The following GABPB1 variants were observed in gnomAD, a reference collection of about 807,000 sequenced individuals.
GABPB1 encodes GA-binding protein subunit beta-1.
In GABPB1, 15 loss-of-function variants were observed where a neutral mutation model predicts 45.9. That is an observed-to-expected ratio of 0.33 (90% confidence interval 0.22 to 0.50). The LOEUF (loss-of-function observed/expected upper bound fraction) is 0.50. GABPB1 is among the 20% of genes least tolerant of loss of function. The pLI, the probability that GABPB1 is intolerant of heterozygous loss-of-function variation, is 0.98. For synonymous variants in GABPB1, 143 were observed against 154.4 expected, an observed-to-expected ratio of 0.93 and a Z score of 0.55; for missense variants, 252 against 457.5, an observed-to-expected ratio of 0.55 and a Z score of 4.10.
At chr15:50,345,631 C>A (rs1168889138) in intron 1 of GABPB1, among the ~76,000 whole-genome samples, 2 of 152,150 alleles carry the variant, frequency 1.3e-5, no homozygotes, top group Non-Finnish European at 2.9e-5. Flanking sequence ...AAGAGAAATG[C>A]AGCAGATAGC....
chr15:50,327,745 C>T (rs1237670793), intron 1 of GABPB1, among the ~76,000 whole-genome samples: 2 of 151,844 alleles, frequency 1.3e-5, no homozygotes, highest in Non-Finnish European at 2.9e-5. Context: ...ACTAAAAATA[C>T]AAAATTAGCT....
At chr15:50,348,558 T>G (rs1220079046) in intron 1 of GABPB1, among the ~76,000 whole-genome samples, 4 of 151,798 alleles carry the variant, frequency 2.6e-5, no homozygotes, top group Non-Finnish European at 4.4e-5. Flanking sequence ...GCCATTTTTT[T>G]TTTTTTAAAC....
chr15:50,335,176 T>C (rs1457818419), intron 1 of GABPB1, among the ~76,000 whole-genome samples: 2 of 152,200 alleles, frequency 1.3e-5, no homozygotes, highest in Non-Finnish European at 2.9e-5. Flanking sequence ...TTCTCTTTTT[T>C]CCTCCTGCTC....
At chr15:50,307,116 C>A (rs2046976884) in intron 2 of GABPB1, among the ~76,000 whole-genome samples, 1 of 152,098 alleles carries the variant, frequency 6.6e-6, no homozygotes, top group Admixed American at 6.6e-5. Flanking sequence ...CTATGCACAT[C>A]TCCAAATTTA....
intron 3 of GABPB1, 135 bp downstream of exon 3, chr15:50,303,831 A>T: frequency 1.9e-6 from 1 of 536,786 alleles, no homozygotes; most frequent in Non-Finnish European, 3.1e-6. Flanking sequence ...ATTTTCATTT[A>T]ATGGGCTTAT....
chr15:50,336,826 G>A (rs1187830990), intron 1 of GABPB1, among the ~76,000 whole-genome samples: 11 of 147,148 alleles, frequency 7.5e-5, no homozygotes, highest in Admixed American at 7.4e-4. Context: ...GAAGTTAAAT[G>A]TAGCCAGGCA....
chr15:50,304,195 A>G, intron 2 of GABPB1, 62 bp from the exon 3 acceptor site: 1 of 1,349,040 alleles, frequency 7.4e-7, no homozygotes, highest in Non-Finnish European at 9.9e-7. Flanking sequence ...TTCTGTTTAT[A>G]TAGTAAACAG....
At chr15:50,338,196 C>A (rs2048215229) in intron 1 of GABPB1, among the ~76,000 whole-genome samples, 1 of 151,304 alleles carries the variant, frequency 6.6e-6, no homozygotes, top group African/African-American at 2.4e-5. Context: ...CGTGCCACCA[C>A]ACCCAGCTAA....
intron 2 of GABPB1, 40 bp from the exon 3 acceptor site, chr15:50,304,173 T>G: frequency 6.6e-6 from 10 of 1,513,472 alleles, no homozygotes; most frequent in Non-Finnish European, 8.9e-6. Context: ...ATTTACATTA[T>G]TGTTACTACA....
chr15:50,354,414 C>A (rs958719069), intron 1 of GABPB1: 13 of 451,738 alleles, frequency 2.9e-5, no homozygotes, highest in African/African-American at 2.7e-4. Flanking sequence ...CCCGCCGCGA[C>A]CCGAGCGCCT....
At chr15:50,317,384 A>T (rs1206936046) in intron 1 of GABPB1, among the ~76,000 whole-genome samples, 5 of 149,624 alleles carry the variant, frequency 3.3e-5, no homozygotes, top group African/African-American at 4.9e-5. Context: ...AGCCTGGGCA[A>T]CAAGAGCAAA....
At chr15:50,314,195 A>ATTTATTTAT (rs1555511179) in intron 1 of GABPB1, among the ~76,000 whole-genome samples, 8 of 149,742 alleles carry the variant, frequency 5.3e-5, no homozygotes, top group African/African-American at 2.0e-4. Flanking sequence ...TTATTTATTT[A>ATTTATTTAT]TTTTTTGAGA....
chr15:50,319,444 C>T (rs910258314), intron 1 of GABPB1, among the ~76,000 whole-genome samples: 3 of 152,176 alleles, frequency 2.0e-5, no homozygotes, highest in Admixed American at 1.3e-4. Flanking sequence ...ACCCTCCCCG[C>T]TTTTGGACTC....
chr15:50,296,628 T>C (rs2046521133), intron 6 of GABPB1, among the ~76,000 whole-genome samples: 1 of 152,208 alleles, frequency 6.6e-6, no homozygotes, highest in Admixed American at 6.5e-5. Context: ...TGCCCTTTGA[T>C]AAAATTATTC....
At chr15:50,324,170 T>G (rs926059652) in intron 1 of GABPB1, among the ~76,000 whole-genome samples, 8 of 151,850 alleles carry the variant, frequency 5.3e-5, no homozygotes, top group South Asian at 2.1e-4. Flanking sequence ...CACCACTGCA[T>G]TCCAGTCTAG....
intron 8 of GABPB1, among the ~76,000 whole-genome samples, chr15:50,284,558 T>C (rs527558827): frequency 2.6e-4 from 40 of 152,308 alleles, no homozygotes; most frequent in Admixed American, 6.5e-4. Flanking sequence ...CTCAAAAGAC[T>C]GTAAGAAAGA....
intron 8 of GABPB1, among the ~76,000 whole-genome samples, chr15:50,285,470 G>A (rs529299998): frequency 6.6e-6 from 1 of 152,086 alleles, no homozygotes; most frequent in East Asian, 1.9e-4. Context: ...TTTATTTACA[G>A]TCAGTCAAGA....
chr15:50,339,276 C>G (rs934424564), intron 1 of GABPB1, among the ~76,000 whole-genome samples: 1 of 152,200 alleles, frequency 6.6e-6, no homozygotes, highest in Non-Finnish European at 1.5e-5. Context: ...CAAGATCACA[C>G]TGCTGCACTC....
At chr15:50,291,900 AG>A (rs1186242698) in intron 6 of GABPB1, among the ~76,000 whole-genome samples, 2 of 148,400 alleles carry the variant, frequency 1.3e-5, no homozygotes, top group Non-Finnish European at 3.0e-5. Context: ...CCTGGGTGAC[AG>A]AGTGAGACTC....
Sources: gnomAD v4.1 joint callset for allele counts (sites outside exome capture counted in the v4.1 genomes callset) on GRCh38, gnomAD v4.1.1 for gene constraint, MANE v1.5 for transcripts, NCBI Gene and HGNC (gene_info 2026-07-23, HGNC 2026-07-21) for gene names.